The following CEP128 variants were observed in gnomAD, a reference collection of about 807,000 sequenced individuals.
CEP128 encodes the protein centrosomal protein 128.
CEP128 carries 132 observed loss-of-function variants against 156.7 expected under a neutral mutation model. The ratio of observed to expected loss-of-function variants is 0.84; its 90% CI spans 0.73 to 0.97. CEP128 has a LOEUF of 0.97. Among genes scored for constraint, CEP128 ranks in the 50% least tolerant of loss-of-function variants. The pLI, the probability that CEP128 is intolerant of heterozygous loss-of-function variation, is 0.00. For missense variants in CEP128, 1,252 were observed against 1,281.9 expected (o/e 0.98, Z 0.36); for synonymous variants, 469 against 448.9 (o/e 1.04, Z -0.57).
At chr14:80,513,631 C>A (rs929998257) in intron 23 of CEP128, among the ~76,000 whole-genome samples, 13 of 152,228 alleles carry the variant, frequency 8.5e-5, no homozygotes, top group African/African-American at 3.1e-4. Context: ...GAAGACTAAG[C>A]TCTATTTTTT....
chr14:80,856,991 G>A (rs1297405699), intron 9 of CEP128, among the ~76,000 whole-genome samples: 2 of 151,154 alleles, frequency 1.3e-5, no homozygotes, highest in Non-Finnish European at 3.0e-5. Context: ...CGAGTGACCC[G>A]CCCACCTCAG....
chr14:80,679,624 C>A (rs1896232188), intron 19 of CEP128, among the ~76,000 whole-genome samples: 2 of 152,170 alleles, frequency 1.3e-5, no homozygotes, highest in South Asian at 4.1e-4. Context: ...CACAGCTAAA[C>A]ATAGACCCTT....
chr14:80,739,701 G>C (rs1353755656), intron 19 of CEP128, among the ~76,000 whole-genome samples: 2 of 151,928 alleles, frequency 1.3e-5, no homozygotes, highest in Non-Finnish European at 2.9e-5. Flanking sequence ...TTAAATCATA[G>C]TATACAATAG....
At chr14:80,944,860 G>T (rs887298827), upstream of CEP128, among the ~76,000 whole-genome samples, 4 of 43,514 alleles carry the variant, frequency 9.2e-5, no homozygotes, top group South Asian at 9.1e-4. Flanking sequence ...AAAAAAAACA[G>T]AAAAAACAGA....
intron 13 of CEP128, among the ~76,000 whole-genome samples, chr14:80,810,432 A>G (rs1884462189): frequency 6.6e-6 from 1 of 152,014 alleles, no homozygotes; most frequent in African/African-American, 2.4e-5. Context: ...AATGTAATTA[A>G]ATTAAATTCT....
At chr14:80,644,689 A>G (rs1894562914) in intron 19 of CEP128, among the ~76,000 whole-genome samples, 1 of 152,140 alleles carries the variant, frequency 6.6e-6, no homozygotes, top group Non-Finnish European at 1.5e-5. Flanking sequence ...TTAATATAAC[A>G]TTTTTCTTTT....
At chr14:80,695,713 CAAAA>C (rs772118868) in intron 19 of CEP128, among the ~76,000 whole-genome samples, 2 of 99,492 alleles carry the variant, frequency 2.0e-5, no homozygotes, top group Admixed American at 1.1e-4. Flanking sequence ...GACTCCATCT[CAAAA>C]AAAAAAAAAA....
chr14:80,668,687 T>C lies in CEP128; in HGVS notation c.2806+74388A>G, dbSNP rs186459975. 3.6e-3 allele frequency among the ~76,000 whole-genome samples: 546 copies of C among 152,288 alleles called. 3 individuals carry two copies. Among genetic ancestry groups the C allele is most frequent in the Non-Finnish European group, 6.5e-3 (444 of 68,034 alleles). ...AAAAATTACAGAAAATTTTGAGTTCTCAGATCCCAAGCTGGCCTGAAATAG... is the reference window on the plus strand; with the variant it reads ...AAAAATTACAGAAAATTTTGAGTTCCCAGATCCCAAGCTGGCCTGAAATAG... On this transcript the variant is annotated intron_variant, in intron 19 of 24. Transcript: ENST00000555265.
intron 8 of CEP128, among the ~76,000 whole-genome samples, chr14:80,864,873 T>C (rs28576038): frequency 0.066 from 10,044 of 152,252 alleles, 1,091 homozygotes; most frequent in African/African-American, 0.23. Flanking sequence ...TTCTTCTAAG[T>C]AAAAGTTTTT....
intron 16 of CEP128, among the ~76,000 whole-genome samples, chr14:80,764,883 G>C (rs1253406715): frequency 6.6e-6 from 1 of 152,092 alleles, no homozygotes; most frequent in Non-Finnish European, 1.5e-5. Flanking sequence ...TTTTTTATTT[G>C]ATTAGGTTTC....
chr14:80,506,809 G>A (rs568312655), intron 23 of CEP128, among the ~76,000 whole-genome samples: 1 of 152,282 alleles, frequency 6.6e-6, no homozygotes, highest in African/African-American at 2.4e-5. Context: ...TCCTCAGGTG[G>A]TTCAAGATCA....
intron 21 of CEP128, among the ~76,000 whole-genome samples, chr14:80,553,315 C>A (rs1319546685): frequency 6.6e-6 from 1 of 152,086 alleles, no homozygotes; most frequent in Non-Finnish European, 1.5e-5. Context: ...TGTTCAACTC[C>A]CACTTATGAG....
intron 16 of CEP128, among the ~76,000 whole-genome samples, chr14:80,775,737 TTC>T (rs1386589871): frequency 1.3e-5 from 2 of 152,262 alleles, no homozygotes; most frequent in African/African-American, 4.8e-5. Context: ...ATTCTTCAAG[TTC>T]TGTTCTAAAG....
At chr14:80,783,151 C>G (rs1901216635) in intron 15 of CEP128, among the ~76,000 whole-genome samples, 1 of 152,134 alleles carries the variant, frequency 6.6e-6, no homozygotes, top group South Asian at 2.1e-4. Context: ...CTCCCCTTAA[C>G]ACAATATGCT....
chr14:80,761,682 C>A, intron 16 of CEP128, 69 bp from the exon 17 acceptor site: 1 of 1,128,078 alleles, frequency 8.9e-7, no homozygotes. Context: ...CTTGTAATAT[C>A]TGTTCAACCA....
chr14:80,934,289 T>C (rs745626884), intron 2 of CEP128, among the ~76,000 whole-genome samples: 1 of 152,214 alleles, frequency 6.6e-6, no homozygotes, highest in Non-Finnish European at 1.5e-5. Flanking sequence ...TGATTTCTTG[T>C]CTAAGAACTC....
chr14:80,870,352 C>G (rs2139251110), intron 8 of CEP128, among the ~76,000 whole-genome samples: 1 of 152,144 alleles, frequency 6.6e-6, no homozygotes, highest in East Asian at 1.9e-4. Context: ...AAAATACTAG[C>G]AAACCAAATT....
chr14:80,887,071 G>A (rs1888842784), intron 8 of CEP128, among the ~76,000 whole-genome samples: 1 of 152,156 alleles, frequency 6.6e-6, no homozygotes, highest in African/African-American at 2.4e-5. Context: ...GCAACAAGAA[G>A]AGCTAACTAC....
chr14:80,638,725 A>C (rs1203696520), intron 19 of CEP128, among the ~76,000 whole-genome samples: 1 of 152,214 alleles, frequency 6.6e-6, no homozygotes, highest in Non-Finnish European at 1.5e-5. Context: ...TTATTGGGTG[A>C]ATCACTGAAT....
Sources: allele counts gnomAD v4.1 joint callset (sites outside exome capture counted in the v4.1 genomes callset), GRCh38; gene constraint gnomAD v4.1.1; transcripts MANE v1.5; gene names NCBI Gene and HGNC (gene_info 2026-07-23, HGNC 2026-07-21).